Variants in STK3 observed in about 807,000 individuals in gnomAD.
The protein encoded by STK3 is serine/threonine-protein kinase 3.
Under a neutral mutation model 58.0 loss-of-function variants are expected in STK3, and 41 were observed. The observed-to-expected ratio is 0.71, with a 90% CI of 0.55 to 0.92. The LOEUF is 0.92. Among genes scored for constraint, STK3 ranks in the 40% least tolerant of loss-of-function variants. The pLI, the probability that STK3 is intolerant of heterozygous loss-of-function variation, is 0.00. For synonymous variants in STK3, 170 were observed against 191.0 expected, an observed-to-expected ratio of 0.89 and a Z score of 0.91; for missense variants, 479 against 602.7, an observed-to-expected ratio of 0.79 and a Z score of 2.15.
At chr8:98,600,766 T>C (rs1019298181) in intron 6 of STK3, among the ~76,000 whole-genome samples, 1 of 152,166 alleles carries the variant, frequency 6.6e-6, no homozygotes, top group African/African-American at 2.4e-5. Context: ...AAGTAAACTA[T>C]ATATGAATAA....
At chr8:98,479,082 A>G (rs1821613635) in intron 10 of STK3, among the ~76,000 whole-genome samples, 1 of 152,210 alleles carries the variant, frequency 6.6e-6, no homozygotes, top group Non-Finnish European at 1.5e-5. Flanking sequence ...ATACTTCATC[A>G]CTGTTTTACC....
chr8:98,579,418 T>C (rs1813676656), intron 8 of STK3, among the ~76,000 whole-genome samples: 2 of 152,138 alleles, frequency 1.3e-5, no homozygotes, highest in South Asian at 4.1e-4. Flanking sequence ...CCAGAGTTAG[T>C]ATCAACTAGA....
chr8:98,845,979 C>G (rs1836185258), intron 3 of STK3, among the ~76,000 whole-genome samples: 1 of 152,200 alleles, frequency 6.6e-6, no homozygotes, highest in Admixed American at 6.5e-5. Context: ...TTGCTGTTGT[C>G]ACTGCTGGTT....
chr8:98,628,321 G>A (rs1173801642), intron 6 of STK3, among the ~76,000 whole-genome samples: 3 of 152,114 alleles, frequency 2.0e-5, no homozygotes, highest in African/African-American at 4.8e-5. Flanking sequence ...GCTACACAAT[G>A]TTACTAGACA....
chr8:98,707,754 G>C (rs1826066280), intron 4 of STK3, among the ~76,000 whole-genome samples: 1 of 151,886 alleles, frequency 6.6e-6, no homozygotes, highest in Non-Finnish European at 1.5e-5. Context: ...AATGCTAAAG[G>C]GGTAAATAAT....
At position 98,645,790 on chromosome 8, in the gene STK3, A is replaced by C. The variant is rs563554422; in HGVS notation, c.685-49621T>G. 1.2e-4 allele frequency among the ~76,000 whole-genome samples: 18 copies of C among 151,782 alleles called. No homozygotes were observed. The South Asian group carries it at 3.7e-3, about 32-fold the overall frequency. On this transcript the variant is annotated intron_variant, in intron 6 of 10. Transcript: ENST00000419617. ...ACACTTTCACTACTTTTCTAATTAT[A>C]TATATATACATATATAGATATAGAT...
At chr8:98,539,621 A>G (rs1810062572) in intron 9 of STK3, among the ~76,000 whole-genome samples, 1 of 152,246 alleles carries the variant, frequency 6.6e-6, no homozygotes. Flanking sequence ...ATGCATATAC[A>G]GGTAAGACAT....
rs112778568 is a variant in STK3, at chr8:98,907,246, G to C, written c.-78-23412C>G. 8.9e-3 allele frequency among the ~76,000 whole-genome samples: 1,361 copies of C among 152,246 alleles called. 18 individuals carry two copies. The highest frequency in any genetic ancestry group is 0.03 in the African/African-American group (1,232 of 41,540). ...ATCTCAAAAAAGGCCGGGTGCGGTG[G>C]CTTATGGCTGTAATCCCAGCACTTT... On this transcript the variant is annotated intron_variant, in intron 1 of 1. Coordinates refer to the STK3 transcript ENST00000519420.
chr8:98,515,427 A>G (rs1385212343), intron 10 of STK3, among the ~76,000 whole-genome samples: 1 of 152,086 alleles, frequency 6.6e-6, no homozygotes, highest in Non-Finnish European at 1.5e-5. Context: ...TTGCTGGCTA[A>G]GCCAACTCAG....
chr8:98,537,359 G>A (rs2131537748), intron 9 of STK3, among the ~76,000 whole-genome samples: 1 of 152,208 alleles, frequency 6.6e-6, no homozygotes, highest in East Asian at 1.9e-4. Context: ...TTAATGGGAG[G>A]GGGCAGCTGC....
intron 1 of STK3, among the ~76,000 whole-genome samples, chr8:98,805,625 T>C (rs766792899): frequency 6.6e-6 from 1 of 152,020 alleles, no homozygotes; most frequent in Non-Finnish European, 1.5e-5. Context: ...AAAAAGCAGA[T>C]AGTGTGCAGT....
chr8:98,894,193 A>T (rs1040768303), intron 1 of STK3, among the ~76,000 whole-genome samples: 1 of 152,154 alleles, frequency 6.6e-6, no homozygotes. Flanking sequence ...CCAATTCTAC[A>T]TACTGATGAT....
chr8:98,836,739 A>G (rs1375320473), intron 3 of STK3, among the ~76,000 whole-genome samples: 1 of 152,220 alleles, frequency 6.6e-6, no homozygotes, highest in Non-Finnish European at 1.5e-5. Flanking sequence ...AAAATGATTT[A>G]GATAAGATCA....
At chr8:98,530,970 C>T (rs1826133151) in intron 9 of STK3, among the ~76,000 whole-genome samples, 1 of 152,222 alleles carries the variant, frequency 6.6e-6, no homozygotes, top group Admixed American at 6.5e-5. Flanking sequence ...GGCTGTACTT[C>T]CAAGTCTAGT....
intron 6 of STK3, among the ~76,000 whole-genome samples, chr8:98,612,503 G>T (rs2130229573): frequency 6.7e-6 from 1 of 149,772 alleles, no homozygotes; most frequent in East Asian, 1.9e-4. Flanking sequence ...ATATATGAAA[G>T]ATGGAGAGAA....
intron 1 of STK3, among the ~76,000 whole-genome samples, chr8:98,786,300 A>C (rs1832459387): frequency 6.6e-6 from 1 of 152,170 alleles, no homozygotes; most frequent in Non-Finnish European, 1.5e-5. Context: ...TAATCCCAAC[A>C]CTTGAGGAGG....
intron 3 of STK3, among the ~76,000 whole-genome samples, chr8:98,394,102 T>C (rs1817874093): frequency 1.3e-5 from 2 of 152,032 alleles, no homozygotes; most frequent in Non-Finnish European, 2.9e-5. Flanking sequence ...TCTTGGGAGA[T>C]GTTGCTGTAG....
At chr8:98,688,858 A>G (rs1353847783) in intron 6 of STK3, among the ~76,000 whole-genome samples, 1 of 152,176 alleles carries the variant, frequency 6.6e-6, no homozygotes, top group African/African-American at 2.4e-5. Context: ...CACCTAAAGG[A>G]ACAAGAAAAA....
intron 8 of STK3, among the ~76,000 whole-genome samples, chr8:98,578,696 C>A (rs138068923): frequency 1.3e-5 from 2 of 151,994 alleles, no homozygotes. Context: ...CATACTGTTA[C>A]GAAATACATT....
Sources: gnomAD v4.1 joint callset for allele counts (sites outside exome capture counted in the v4.1 genomes callset) on GRCh38, gnomAD v4.1.1 for gene constraint, MANE v1.5 for transcripts, NCBI Gene and HGNC (gene_info 2026-07-23, HGNC 2026-07-21) for gene names.